The following ZC3H12B variants were observed in gnomAD, a reference collection of about 807,000 sequenced individuals.
The protein encoded by ZC3H12B is zinc finger CCCH-type containing 12B, also known as probable ribonuclease ZC3H12B.
ZC3H12B carries 7 observed loss-of-function variants against 43.9 expected under a neutral mutation model. The observed-to-expected ratio is 0.16, with a 90% CI of 0.09 to 0.30. ZC3H12B has a LOEUF of 0.30. Ranked by LOEUF, ZC3H12B falls within the 10% of genes least tolerant of loss-of-function variation. The pLI, the probability that ZC3H12B is intolerant of heterozygous loss-of-function variation, is 1.00. For missense variants in ZC3H12B, 475 were observed against 670.2 expected (o/e 0.71, Z 3.22); for synonymous variants, 222 against 241.7 (o/e 0.92, Z 0.76).
chrX:65,054,854 G>T, the ZC3H12B span, among the ~76,000 whole-genome samples: 1 of 111,285 alleles, frequency 9.0e-6, no homozygotes, highest in Non-Finnish European at 1.9e-5. Context: ...AAGCAATTGT[G>T]AGTGGGAGTT....
chrX:65,387,169 G>A (rs747028325), intron 2 of ZC3H12B, among the ~76,000 whole-genome samples: 2 of 111,689 alleles, frequency 1.8e-5, no homozygotes, highest in East Asian at 2.8e-4. Flanking sequence ...GGTCCGCTTG[G>A]TGCAGAGCTG....
intron 3 of ZC3H12B, among the ~76,000 whole-genome samples, chrX:65,421,736 C>T (rs182793885): frequency 0.018 from 2,041 of 111,297 alleles, 58 homozygotes; most frequent in African/African-American, 0.063. Flanking sequence ...CTGAGGCAGG[C>T]GGATCACGAG....
At chrX:65,435,392 G>C (rs1463620848) in intron 3 of ZC3H12B, among the ~76,000 whole-genome samples, 1 of 111,368 alleles carries the variant, frequency 9.0e-6, no homozygotes, top group Non-Finnish European at 1.9e-5. Flanking sequence ...TCTTATAAGT[G>C]GTTGATTAGG....
the ZC3H12B span, among the ~76,000 whole-genome samples, chrX:65,319,409 G>A: frequency 9.0e-6 from 1 of 110,584 alleles, no homozygotes; most frequent in Non-Finnish European, 1.9e-5. Context: ...CAAATAACGA[G>A]TTCCAAATTG....
intron 3 of ZC3H12B, among the ~76,000 whole-genome samples, chrX:65,435,324 T>C (rs2067206767): frequency 8.9e-6 from 1 of 112,016 alleles, no homozygotes; most frequent in South Asian, 3.7e-4. Flanking sequence ...TCATTATATC[T>C]CTTAGTTTTC....
chrX:65,375,742 C>T (rs1314178596), intron 2 of ZC3H12B, among the ~76,000 whole-genome samples: 2 of 111,257 alleles, frequency 1.8e-5, no homozygotes, highest in African/African-American at 3.3e-5. Flanking sequence ...CAGGCAGGAC[C>T]CATCACCTGC....
chrX:65,286,958 G>A, the ZC3H12B span, among the ~76,000 whole-genome samples: 26 of 110,993 alleles, frequency 2.3e-4, no homozygotes, highest in African/African-American at 8.5e-4. Context: ...ATTATATAAT[G>A]ATAAATGAAT....
At chrX:65,238,055 TG>T in the ZC3H12B span, among the ~76,000 whole-genome samples, 1 of 111,658 alleles carries the variant, frequency 9.0e-6, no homozygotes, top group East Asian at 2.8e-4. Flanking sequence ...GATATCAGGA[TG>T]ATGTTAGCCT....
At chrX:65,108,757 A>G in the ZC3H12B span, among the ~76,000 whole-genome samples, 3 of 111,961 alleles carry the variant, frequency 2.7e-5, no homozygotes, top group African/African-American at 9.7e-5. Flanking sequence ...TTTACTGTAT[A>G]TAATTGCATA....
chrX:65,310,943 A>G, the ZC3H12B span, among the ~76,000 whole-genome samples: 1 of 112,426 alleles, frequency 8.9e-6, no homozygotes, highest in Non-Finnish European at 1.9e-5. Context: ...GGCTAGCCAT[A>G]TGTAGAAAGC....
chrX:65,099,543 CTT>C, the ZC3H12B span, among the ~76,000 whole-genome samples: 1 of 111,702 alleles, frequency 9.0e-6, no homozygotes, highest in Non-Finnish European at 1.9e-5. Context: ...AGGCAGCAGT[CTT>C]TGCTGTTCTG....
At chrX:65,063,454 G>T in the ZC3H12B span, among the ~76,000 whole-genome samples, 13 of 112,150 alleles carry the variant, frequency 1.2e-4, no homozygotes, top group African/African-American at 3.9e-4. Flanking sequence ...TTATGTGATG[G>T]ATTATGTTTA....
chrX:65,161,870 T>G, the ZC3H12B span, among the ~76,000 whole-genome samples: 1 of 112,123 alleles, frequency 8.9e-6, no homozygotes, highest in Non-Finnish European at 1.9e-5. Flanking sequence ...CTCGATGGTC[T>G]TTAGAATTTG....
the ZC3H12B span, among the ~76,000 whole-genome samples, chrX:65,227,739 A>G: frequency 4.5e-5 from 5 of 111,297 alleles, no homozygotes; most frequent in Non-Finnish European, 9.4e-5. Context: ...CTACCATCAG[A>G]GAATACTACA....
At chrX:65,320,346 T>A in the ZC3H12B span, among the ~76,000 whole-genome samples, 1 of 111,168 alleles carries the variant, frequency 9.0e-6, no homozygotes, top group South Asian at 3.8e-4. Flanking sequence ...CCAGGAAGGT[T>A]AAAAATATAT....
chrX:65,050,214 C>T, the ZC3H12B span, among the ~76,000 whole-genome samples: 1 of 110,682 alleles, frequency 9.0e-6, no homozygotes, highest in Admixed American at 9.7e-5. Flanking sequence ...ATTGTTAATA[C>T]CTAGTCTATG....
the ZC3H12B span, among the ~76,000 whole-genome samples, chrX:65,046,281 T>C: frequency 8.9e-6 from 1 of 112,272 alleles, no homozygotes; most frequent in South Asian, 3.7e-4. Context: ...TAGAAGGCTG[T>C]TTTATCTACA....
At chrX:65,138,716 G>A in the ZC3H12B span, among the ~76,000 whole-genome samples, 12 of 111,764 alleles carry the variant, frequency 1.1e-4, no homozygotes, top group African/African-American at 3.9e-4. Context: ...AGTGCACAAA[G>A]ATTTCCTTTT....
chrX:65,285,669 G>T, the ZC3H12B span, among the ~76,000 whole-genome samples: 6 of 111,572 alleles, frequency 5.4e-5, no homozygotes, highest in Non-Finnish European at 1.1e-4. Flanking sequence ...GAGCGAATTT[G>T]TTACCACTAC....
Sources: allele counts gnomAD v4.1 joint callset (sites outside exome capture counted in the v4.1 genomes callset), GRCh38; gene constraint gnomAD v4.1.1; transcripts MANE v1.5; gene names NCBI Gene and HGNC (gene_info 2026-07-23, HGNC 2026-07-21).